ZNF385D: variants seen among roughly 807,000 people sequenced by gnomAD.
ZNF385D encodes the protein zinc finger protein 385D, also known as zinc finger protein 659.
Under a neutral mutation model 35.8 loss-of-function variants are expected in ZNF385D, and 15 were observed. The ratio of observed to expected loss-of-function variants is 0.42; its 90% CI spans 0.28 to 0.64. The LOEUF (loss-of-function observed/expected upper bound fraction) is 0.64. Ranked by LOEUF, ZNF385D falls within the 30% of genes least tolerant of loss-of-function variation. ZNF385D has a pLI of 0.23. For synonymous variants in ZNF385D, 212 were observed against 186.8 expected, an observed-to-expected ratio of 1.13 and a Z score of -1.10; for missense variants, 474 against 494.6, an observed-to-expected ratio of 0.96 and a Z score of 0.39.
chr3:21,517,977 C>T lies in ZNF385D; in HGVS notation c.277-6954G>A, dbSNP rs180932365. ...AAATTCTCAATCTCCATCCTGGACA[C>T]ATTGAACCAGAAACTGAGAGGGAGG... On this transcript the variant is annotated intron_variant, in intron 3 of 7. Transcript: ENST00000281523. Among the ~76,000 whole-genome samples the T allele has an allele frequency of 1.6e-3, 239 of 152,240 alleles. 1 individual carries two copies. Among genetic ancestry groups the T allele is most frequent in the South Asian group, 5.0e-3 (24 of 4,830 alleles).
At chr3:21,923,200 C>T (rs750253807) in intron 3 of ZNF385D, among the ~76,000 whole-genome samples, 1 of 150,868 alleles carries the variant, frequency 6.6e-6, no homozygotes, top group Non-Finnish European at 1.5e-5. Flanking sequence ...CACCCCACAA[C>T]AGGCCCTGGT....
intron 3 of ZNF385D, among the ~76,000 whole-genome samples, chr3:21,556,053 G>GTTTTTTTT (rs1209768767): frequency 9.0e-6 from 1 of 110,788 alleles, no homozygotes; most frequent in African/African-American, 3.4e-5. Flanking sequence ...ACTTTTTGAC[G>GTTTTTTTT]TTTTTTTTGT....
At chr3:21,436,776 C>A in intron 5 of ZNF385D, 194 bp downstream of exon 5, 2 of 586,162 alleles carry the variant, frequency 3.4e-6, no homozygotes, top group Non-Finnish European at 6.0e-6. Context: ...GGACTTCGAG[C>A]CCTGGAAACC....
At chr3:21,957,485 G>A (rs1173616050) in intron 3 of ZNF385D, among the ~76,000 whole-genome samples, 2 of 152,252 alleles carry the variant, frequency 1.3e-5, no homozygotes, top group African/African-American at 2.4e-5. Flanking sequence ...GGTCCAGGCT[G>A]AGGTGGTCTC....
At chr3:21,910,586 G>C (rs1421616710) in intron 3 of ZNF385D, among the ~76,000 whole-genome samples, 1 of 151,702 alleles carries the variant, frequency 6.6e-6, no homozygotes, top group Non-Finnish European at 1.5e-5. Flanking sequence ...AGTTTAACGG[G>C]CAAACCAAAA....
At chr3:21,823,329 G>T (rs533107217) in intron 3 of ZNF385D, among the ~76,000 whole-genome samples, 12 of 152,152 alleles carry the variant, frequency 7.9e-5, no homozygotes, top group Non-Finnish European at 1.8e-4. Context: ...TCTTCACTAT[G>T]ATAATTATTT....
At chr3:21,736,342 T>C (rs529415999) in intron 1 of ZNF385D, among the ~76,000 whole-genome samples, 1 of 152,310 alleles carries the variant, frequency 6.6e-6, no homozygotes, top group East Asian at 1.9e-4. Context: ...TTTCTAAGCC[T>C]ATTGTGTGCT....
At chr3:21,496,539 C>A (rs1360855846) in intron 4 of ZNF385D, among the ~76,000 whole-genome samples, 22 of 92,452 alleles carry the variant, frequency 2.4e-4, no homozygotes, top group African/African-American at 7.1e-4. Flanking sequence ...ATATATATAT[C>A]ATATATATAT....
chr3:21,942,996 G>C (rs1321238315), intron 3 of ZNF385D, among the ~76,000 whole-genome samples: 2 of 152,050 alleles, frequency 1.3e-5, no homozygotes, highest in Non-Finnish European at 2.9e-5. Context: ...CATGACAATG[G>C]TTAAGAACTT....
intron 1 of ZNF385D, among the ~76,000 whole-genome samples, chr3:21,696,514 C>A (rs1160293378): frequency 6.6e-6 from 1 of 152,084 alleles, no homozygotes; most frequent in Non-Finnish European, 1.5e-5. Context: ...TGAGTGAAAC[C>A]CAGGCAGTAA....
chr3:22,326,053 G>A (rs578112861), intron 2 of ZNF385D, among the ~76,000 whole-genome samples: 10 of 152,108 alleles, frequency 6.6e-5, no homozygotes, highest in African/African-American at 1.4e-4. Context: ...TCCAATTCCC[G>A]AATGTTTTCC....
At chr3:21,438,469 T>C (rs897729599) in intron 4 of ZNF385D, among the ~76,000 whole-genome samples, 3 of 147,438 alleles carry the variant, frequency 2.0e-5, no homozygotes, top group African/African-American at 7.9e-5. Context: ...CTACCAAGAG[T>C]TGACTGCAGC....
intron 1 of ZNF385D, among the ~76,000 whole-genome samples, chr3:21,749,945 C>A (rs964880053): frequency 1.6e-5 from 2 of 127,708 alleles, no homozygotes; most frequent in South Asian, 2.9e-4. Flanking sequence ...GAAATCAGAG[C>A]ATTTGCATCT....
intron 2 of ZNF385D, among the ~76,000 whole-genome samples, chr3:22,254,995 AC>A (rs1323887544): frequency 2.6e-5 from 4 of 151,884 alleles, no homozygotes; most frequent in African/African-American, 9.7e-5. Context: ...AGGATGGCAC[AC>A]GATTTCATCA....
rs529464327 is a variant in ZNF385D at position 22,258,902 on chromosome 3, T to C, written c.107-89867A>G. On this transcript the variant is annotated intron_variant, in intron 2 of 5. Transcript: ENST00000494108. ...ATCTGCTATAATATATTGCTGTGCT[T>C]GAAGTTTATGGAGAAAAAACTAGTC... Among the ~76,000 whole-genome samples, 18 of 151,988 alleles carry C rather than the reference T, an allele frequency of 1.2e-4. No individual in the cohort carries two copies. The South Asian group carries it at 2.3e-3, about 19-fold the overall frequency.
At chr3:22,270,375 T>C (rs555280743) in intron 2 of ZNF385D, among the ~76,000 whole-genome samples, 1 of 152,012 alleles carries the variant, frequency 6.6e-6, no homozygotes, top group South Asian at 2.1e-4. Flanking sequence ...CTCATTTTGA[T>C]AATAGAGAAG....
chr3:22,181,325 C>T (rs146155660), intron 2 of ZNF385D, among the ~76,000 whole-genome samples: 1 of 152,244 alleles, frequency 6.6e-6, no homozygotes, highest in African/African-American at 2.4e-5. Context: ...CCTCTAATTT[C>T]CACCTTGAGG....
At chr3:21,559,986 T>C (rs2062881611) in intron 3 of ZNF385D, among the ~76,000 whole-genome samples, 1 of 152,224 alleles carries the variant, frequency 6.6e-6, no homozygotes, top group Non-Finnish European at 1.5e-5. Flanking sequence ...GAAGTTCTCG[T>C]GCTGTATTTT....
At chr3:22,303,784 T>C (rs1703050818) in intron 2 of ZNF385D, among the ~76,000 whole-genome samples, 1 of 152,162 alleles carries the variant, frequency 6.6e-6, no homozygotes, top group African/African-American at 2.4e-5. Context: ...CTTTTCTTTT[T>C]TTTCTTTTCT....
Sources: gnomAD v4.1 joint callset for allele counts (sites outside exome capture counted in the v4.1 genomes callset) on GRCh38, gnomAD v4.1.1 for gene constraint, MANE v1.5 for transcripts, NCBI Gene and HGNC (gene_info 2026-07-23, HGNC 2026-07-21) for gene names.